Variants in TMEM108 observed in about 807,000 individuals in gnomAD.
TMEM108 encodes the protein cancer/testis antigen 124.
In TMEM108, 12 loss-of-function variants were observed where a neutral mutation model predicts 35.1. That is an observed-to-expected ratio of 0.34 (90% CI 0.22 to 0.55). The LOEUF is 0.55. TMEM108 is among the 20% of genes least tolerant of loss of function. The probability of loss-of-function intolerance (pLI) is 0.89; values close to 1 mark genes in which losing one functional copy is unlikely to be tolerated. For missense variants in TMEM108, 680 were observed against 753.3 expected (o/e 0.90, Z 1.14); for synonymous variants, 287 against 308.6 (o/e 0.93, Z 0.73).
At chr3:133,390,471 G>A (rs2073217709) in intron 5 of TMEM108, 137 bp downstream of exon 5, 1 of 983,504 alleles carries the variant, frequency 1.0e-6, no homozygotes, top group South Asian at 1.6e-5. Context: ...CACCCAAGAG[G>A]TTGTAGGCCC....
chr3:133,348,598 C>T (rs1022032914), intron 3 of TMEM108, among the ~76,000 whole-genome samples: 2 of 152,096 alleles, frequency 1.3e-5, no homozygotes, highest in South Asian at 4.1e-4. Flanking sequence ...ACAGCTGTCC[C>T]AAATTGAGAC....
chr3:133,217,734 G>T (rs539340517), intron 2 of TMEM108, among the ~76,000 whole-genome samples: 2 of 152,008 alleles, frequency 1.3e-5, no homozygotes, highest in East Asian at 3.9e-4. Flanking sequence ...AAATCAATTG[G>T]CCATAAATGC....
rs1448372875 is a variant in TMEM108 at position 133,234,667 on chromosome 3, A to G, written c.40+5316A>G. On this transcript the variant is annotated intron_variant, in intron 3 of 5. Transcript: ENST00000321871. ...TCATACTGAATGGGCAAAAACTGGA[A>G]GCATTCCCTTTGAAAACTGGCACAA... is the stretch of plus-strand genomic sequence containing the variant. Among the ~76,000 whole-genome samples the G allele has an allele frequency of 5.3e-5, 8 of 152,308 alleles. No homozygotes were observed. In the South Asian group the frequency reaches 1.7e-3, roughly 32 times the overall value.
At chr3:133,141,528 G>A (rs1459348467) in intron 2 of TMEM108, among the ~76,000 whole-genome samples, 7 of 152,130 alleles carry the variant, frequency 4.6e-5, no homozygotes, top group Non-Finnish European at 7.3e-5. Flanking sequence ...CCATGGGATG[G>A]GCTGTATTAA....
chr3:133,290,658 G>A (rs12633430), intron 3 of TMEM108, among the ~76,000 whole-genome samples: 16,719 of 151,676 alleles, frequency 0.11, 1,411 homozygotes, highest in East Asian at 0.38. Flanking sequence ...CAAAAAAACC[G>A]ATTCAGAAAC....
chr3:133,383,137 A>AGATATGTCTCT (rs1297277822), intron 4 of TMEM108, among the ~76,000 whole-genome samples: 1 of 152,254 alleles, frequency 6.6e-6, no homozygotes, highest in Non-Finnish European at 1.5e-5. Context: ...TCTGAGAAGT[A>AGATATGTCTCT]ACTACAGTAG....
chr3:133,183,776 A>G (rs1226309111), intron 2 of TMEM108, among the ~76,000 whole-genome samples: 2 of 152,148 alleles, frequency 1.3e-5, no homozygotes, highest in Non-Finnish European at 2.9e-5. Context: ...GTTTCCATAG[A>G]GCTGGGATGC....
At chr3:133,176,705 A>G (rs896438539) in intron 2 of TMEM108, among the ~76,000 whole-genome samples, 2 of 152,330 alleles carry the variant, frequency 1.3e-5, no homozygotes, top group Admixed American at 6.5e-5. Flanking sequence ...AATGCCCACA[A>G]GAGAAAGCAG....
At chr3:133,223,371 G>A (rs997494828) in intron 2 of TMEM108, among the ~76,000 whole-genome samples, 5 of 152,166 alleles carry the variant, frequency 3.3e-5, no homozygotes, top group African/African-American at 9.7e-5. Context: ...CCTGGTACCC[G>A]AGTGTATGGA....
intron 2 of TMEM108, among the ~76,000 whole-genome samples, chr3:133,105,654 G>A (rs1353630139): frequency 6.6e-6 from 1 of 151,950 alleles, no homozygotes; most frequent in African/African-American, 2.4e-5. Context: ...TGTTTCTTTA[G>A]AATTCTGCCT....
intron 3 of TMEM108, among the ~76,000 whole-genome samples, chr3:133,250,371 C>G (rs975837601): frequency 6.6e-6 from 1 of 152,136 alleles, no homozygotes; most frequent in Non-Finnish European, 1.5e-5. Context: ...TATGTTCCTT[C>G]TTTCTTATGA....
intron 2 of TMEM108, among the ~76,000 whole-genome samples, chr3:133,130,194 C>G (rs1312892688): frequency 3.9e-5 from 6 of 152,186 alleles, no homozygotes; most frequent in East Asian, 1.9e-4. Context: ...GTCTTTTATC[C>G]TTTGGGTAGA....
chr3:133,053,548 G>C (rs1236548823), intron 2 of TMEM108, among the ~76,000 whole-genome samples: 2 of 152,176 alleles, frequency 1.3e-5, no homozygotes, highest in Non-Finnish European at 2.9e-5. Flanking sequence ...GGAAACTCAA[G>C]TTACTTTAAA....
intron 2 of TMEM108, among the ~76,000 whole-genome samples, chr3:133,088,266 G>A (rs1943907438): frequency 6.6e-6 from 1 of 152,212 alleles, no homozygotes; most frequent in African/African-American, 2.4e-5. Context: ...GGGCAGGAAA[G>A]GCCCACAGAG....
chr3:133,155,739 A>C (rs370318620), intron 2 of TMEM108, among the ~76,000 whole-genome samples: 47 of 152,154 alleles, frequency 3.1e-4, no homozygotes, highest in African/African-American at 9.6e-4. Flanking sequence ...TAGATTCTGG[A>C]TATTAGACCT....
chr3:133,144,039 G>A (rs1404140667), intron 2 of TMEM108, among the ~76,000 whole-genome samples: 1 of 150,894 alleles, frequency 6.6e-6, no homozygotes, highest in East Asian at 1.9e-4. Flanking sequence ...TTGTTACATA[G>A]GTATACACAT....
intron 2 of TMEM108, among the ~76,000 whole-genome samples, chr3:133,142,492 G>A (rs1465815815): frequency 6.6e-6 from 1 of 152,152 alleles, no homozygotes; most frequent in Non-Finnish European, 1.5e-5. Flanking sequence ...TGCTCAGGGT[G>A]GATGTGTGTG....
intron 5 of TMEM108, among the ~76,000 whole-genome samples, chr3:133,391,320 C>T (rs1335542507): frequency 6.6e-6 from 1 of 152,002 alleles, no homozygotes; most frequent in Non-Finnish European, 1.5e-5. Context: ...TTGAGATGGC[C>T]CAGGAGAAAG....
chr3:133,115,281 C>T (rs755431076), intron 2 of TMEM108, among the ~76,000 whole-genome samples: 1 of 152,164 alleles, frequency 6.6e-6, no homozygotes, highest in Non-Finnish European at 1.5e-5. Flanking sequence ...TTTACAGTGT[C>T]ATTTAGCACA....
Sources: allele counts gnomAD v4.1 joint callset (sites outside exome capture counted in the v4.1 genomes callset), GRCh38; gene constraint gnomAD v4.1.1; transcripts MANE v1.5; gene names NCBI Gene and HGNC (gene_info 2026-07-23, HGNC 2026-07-21).